SLC20A2: variants seen among roughly 807,000 people sequenced by gnomAD.
SLC20A2 encodes sodium-dependent phosphate transporter 2.
A neutral mutation model predicts 61.0 loss-of-function variants in SLC20A2; 30 were observed. That is an observed-to-expected ratio of 0.49 (90% confidence interval 0.37 to 0.67). The LOEUF (loss-of-function observed/expected upper bound fraction) is 0.67, where lower values mean the gene tolerates loss of function less well. Ranked by LOEUF, SLC20A2 falls within the 30% of genes least tolerant of loss-of-function variation. SLC20A2 has a pLI of 0.00. For synonymous variants in SLC20A2, 351 were observed against 353.3 expected (o/e 0.99, Z 0.07); for missense variants, 626 against 866.4 (o/e 0.72, Z 3.48).
intron 6 of SLC20A2, among the ~76,000 whole-genome samples, chr8:42,444,100 C>T (rs758108638): frequency 6.6e-6 from 1 of 152,190 alleles, no homozygotes; most frequent in Non-Finnish European, 1.5e-5. Context: ...GTATACAAGT[C>T]TTTTTATGAA....
intron 5 of SLC20A2, among the ~76,000 whole-genome samples, chr8:42,459,209 C>G (rs1457045540): frequency 4.7e-5 from 6 of 127,470 alleles, no homozygotes; most frequent in African/African-American, 1.9e-4. Context: ...GCACTCCATC[C>G]TGGGTGAGAG....
At chr8:42,467,638 C>T (rs1807280550) in intron 2 of SLC20A2, among the ~76,000 whole-genome samples, 1 of 152,196 alleles carries the variant, frequency 6.6e-6, no homozygotes, top group Non-Finnish European at 1.5e-5. Flanking sequence ...CACACAGTTG[C>T]TGCCATGAGT....
chr8:42,420,569 TA>T (rs1802971822), intron 10 of SLC20A2, among the ~76,000 whole-genome samples: 2 of 152,236 alleles, frequency 1.3e-5, no homozygotes, highest in South Asian at 2.1e-4. Context: ...GACAGTCAGC[TA>T]TTCAACCTTT....
In SLC20A2 at chr8:42,437,642, C is replaced by G; in HGVS notation, c.935-65G>C. 5 of 1,335,692 alleles carry G rather than the reference C, an allele frequency of 3.7e-6. 1 individual carries two copies. The South Asian group carries it at 6.2e-5, about 16-fold the overall frequency. The allele number at this position is 1,335,692 out of a possible 1,614,324, so 82.7% of individuals were successfully genotyped here. A position where few individuals can be genotyped will look rare whatever the true frequency, so the allele number is the denominator to read the frequency against. On this transcript the variant is annotated intron_variant, in intron 7 of 10. Coordinates refer to ENST00000520262, the MANE Select transcript of SLC20A2 (RefSeq NM_001257180.2). This position sits in a 1 kb window ranked among gnomAD's most constrained non-coding sequence, Gnocchi z 6.4. ...TTTTTTTTTTCTTTTCTTTTTGAGA[C>G]GGAGCCTTGCTCTGTCCTCAGGGTG...
chr8:42,448,947 T>C (rs771827309), intron 5 of SLC20A2, among the ~76,000 whole-genome samples: 6 of 152,162 alleles, frequency 3.9e-5, no homozygotes, highest in Non-Finnish European at 8.8e-5. Context: ...TTGTACTAAG[T>C]ATATAAAATC....
intron 1 of SLC20A2, among the ~76,000 whole-genome samples, chr8:42,511,626 C>CA (rs375885875): frequency 8.6e-4 from 106 of 123,530 alleles, no homozygotes; most frequent in Middle Eastern, 4.5e-3. Context: ...GACTCCATCT[C>CA]AAAAAAAAAA....
intron 1 of SLC20A2, among the ~76,000 whole-genome samples, chr8:42,526,399 T>A (rs141875924): frequency 1.3e-5 from 2 of 148,590 alleles, no homozygotes; most frequent in Non-Finnish European, 3.0e-5. Flanking sequence ...GCCGGCTGGG[T>A]GTGGTGGCTC....
At chr8:42,436,621 C>T (rs933245697) in intron 8 of SLC20A2, among the ~76,000 whole-genome samples, 6 of 152,128 alleles carry the variant, frequency 3.9e-5, no homozygotes, top group Non-Finnish European at 5.9e-5. Context: ...ACCTGCAGAC[C>T]GGCGACCTCC....
intron 1 of SLC20A2, among the ~76,000 whole-genome samples, chr8:42,493,760 A>T: frequency 6.6e-6 from 1 of 152,198 alleles, no homozygotes; most frequent in Non-Finnish European, 1.5e-5. Context: ...ACCTTTTTCA[A>T]TGACCAGTAC....
intron 1 of SLC20A2, among the ~76,000 whole-genome samples, chr8:42,478,839 C>T (rs1056107261): frequency 6.6e-6 from 1 of 151,932 alleles, no homozygotes; most frequent in African/African-American, 2.4e-5. Flanking sequence ...CCCACCTCCA[C>T]CAAGTCCCCT....
At chr8:42,467,733 C>G (rs1306158886) in intron 2 of SLC20A2, among the ~76,000 whole-genome samples, 2 of 152,120 alleles carry the variant, frequency 1.3e-5, no homozygotes, top group African/African-American at 2.4e-5. Flanking sequence ...AAGGGGCCAG[C>G]CTTGTGCTGC....
At chr8:42,485,334 T>A (rs940642563) in intron 1 of SLC20A2, among the ~76,000 whole-genome samples, 2 of 152,070 alleles carry the variant, frequency 1.3e-5, no homozygotes, top group African/African-American at 4.8e-5. Context: ...TGTGCCTGCA[T>A]TTTTCCTTTA....
rs1274768566 is a variant in SLC20A2 at position 42,417,322 on chromosome 8, G to C, written c.*481C>G. 6.4e-6 allele frequency: 1 copy of C among 156,990 alleles called. No individual in the cohort carries two copies. Among genetic ancestry groups the C allele is most frequent in the Non-Finnish European group, 1.4e-5 (1 of 70,216 alleles). The allele number at this position is 156,990 out of a possible 1,614,324, so 9.7% of individuals were successfully genotyped here. On this transcript the variant is annotated 3_prime_UTR_variant, in exon 11 of 11. Coordinates refer to ENST00000520262, the MANE Select transcript of SLC20A2 (RefSeq NM_001257180.2). Reference sequence around the variant, plus strand: ...GCAGGGTCAGGTTGCCTGTTCTGAAGCTCATTACCTTACAGTATATTAGAA... The same window carrying C: ...GCAGGGTCAGGTTGCCTGTTCTGAACCTCATTACCTTACAGTATATTAGAA...
Position 42,465,872 on chromosome 8 carries a change from A to G in SLC20A2, c.335T>C (p.Ile112Thr), listed in dbSNP as rs1807116718. 1 of 1,613,154 alleles carries G rather than the reference A, an allele frequency of 6.2e-7. No homozygotes were observed. Among genetic ancestry groups the G allele is most frequent in the Admixed American group, 1.7e-5 (1 of 59,842 alleles). ...ACCCACAATGCAGTGCGTTCCTGAG[A>G]TTGGAAGCCTCAGGAAGGAAGCAAT... The part of the protein sequence containing the change: ...QLIASFLRLP[I>T]SGTHCIVGST... The change falls in exon 3 of 11, where the codon ATC becomes ACC. Residue 112 changes from isoleucine (I) to threonine (T), a missense_variant. Physicochemically the swap from Ile to Thr is moderately conservative, Grantham distance 89. Coordinates refer to ENST00000520262, the MANE Select transcript of SLC20A2 (RefSeq NM_001257180.2).
chr8:42,504,453 C>T (rs1329313364), upstream of SLC20A2, among the ~76,000 whole-genome samples: 5 of 151,170 alleles, frequency 3.3e-5, no homozygotes, highest in East Asian at 9.7e-4. Context: ...GGGAAAGATC[C>T]GAGGAGAAAG....
intron 1 of SLC20A2, chr8:42,534,887 C>T (rs1586294056): frequency 6.6e-6 from 1 of 152,154 alleles, no homozygotes; most frequent in African/African-American, 2.4e-5. Context: ...TTTCTCTGTC[C>T]ATACAGAGTA....
rs115806499 is a variant in SLC20A2, at chr8:42,462,263, C to T, written c.516+742G>A. ...TCCCAGGAGAAGGAAGGGTGAGAAA[C>T]GGTGAGGGCAAGTTGGTGCTCTCCG... On this transcript the variant is annotated intron_variant, in intron 4 of 10. Transcript: ENST00000520262. 1.0e-2 allele frequency among the ~76,000 whole-genome samples: 1,516 copies of T among 152,164 alleles called. 34 individuals carry two copies. The highest frequency in any genetic ancestry group is 0.035 in the African/African-American group (1,458 of 41,520).
rs184730889 is a variant in SLC20A2 at position 42,469,914 on chromosome 8, C to T, written c.289+2188G>A. The stretch of plus-strand genomic sequence containing the variant: ...CTGCACTCCAGCCTGGGCAACAAAG[C>T]GAGATTCCGTCTCAAAAAAAAAAAA... On this transcript the variant is annotated intron_variant, in intron 2 of 10. Coordinates refer to ENST00000520262, the MANE Select transcript of SLC20A2 (RefSeq NM_001257180.2). 4.4e-3 allele frequency among the ~76,000 whole-genome samples: 660 copies of T among 148,816 alleles called. 4 individuals are homozygous for T. Among genetic ancestry groups the T allele is most frequent in the African/African-American group, 0.016 (636 of 40,410 alleles).
chr8:42,481,308 G>A (rs1808534963), intron 1 of SLC20A2, among the ~76,000 whole-genome samples: 1 of 152,136 alleles, frequency 6.6e-6, no homozygotes, highest in Non-Finnish European at 1.5e-5. Flanking sequence ...TAAACAATGA[G>A]TCCCTAAATG....
Sources: gnomAD v4.1 joint callset for allele counts (sites outside exome capture counted in the v4.1 genomes callset) on GRCh38, gnomAD v4.1.1 for gene constraint, Gnocchi (gnomAD v3.1) non-coding constraint, MANE v1.5 for transcripts, NCBI Gene and HGNC (gene_info 2026-07-23, HGNC 2026-07-21) for gene names.